The following MMP2 variants were observed in gnomAD, a reference collection of about 807,000 sequenced individuals.
MMP2 encodes the protein 72 kDa type IV collagenase.
A neutral mutation model predicts 74.8 loss-of-function variants in MMP2; 39 were observed. The observed-to-expected ratio is 0.52, with a 90% confidence interval of 0.40 to 0.68. The LOEUF is 0.68. MMP2 is among the 30% of genes least tolerant of loss of function. The pLI is 0.00. For synonymous variants in MMP2, 367 were observed against 339.8 expected, an observed-to-expected ratio of 1.08 and a Z score of -0.88; for missense variants, 803 against 878.3, an observed-to-expected ratio of 0.91 and a Z score of 1.08.
rs541869172 is a variant in MMP2 at position 55,497,220 on chromosome 16, T to C, written c.1609+158T>C. Among the ~76,000 whole-genome samples the C allele has an allele frequency of 1.4e-4, 21 of 152,346 alleles. No individual in the cohort carries two copies. In the East Asian group the frequency reaches 3.3e-3, roughly 24 times the overall value. ...GATTCATTCTTTCAACATTATTTCC[T>C]GAAGTGCGCAGCTCCTCTGGGAGAT... On this transcript the variant is annotated intron_variant, in intron 10 of 12. Transcript: ENST00000219070.
At chr16:55,493,102 C>T (rs1962451666) in intron 8 of MMP2, 56 bp from the exon 9 acceptor site, 2 of 1,608,946 alleles carry the variant, frequency 1.2e-6, no homozygotes, top group Non-Finnish European at 1.7e-6. Flanking sequence ...GGGGCTCACC[C>T]TAGTGGGGAG....
chr16:55,483,091 C>A lies in MMP2; in HGVS notation c.336C>A (p.Phe112Leu), dbSNP rs368829695. The A allele has an allele frequency of 3.1e-6, 5 of 1,614,004 alleles. No homozygotes were observed. In the African/African-American group the frequency reaches 4.0e-5, roughly 13 times the overall value. Residue 112 changes from phenylalanine to leucine, a missense_variant, in exon 2 of 13, where the codon TTC becomes TTA. Physicochemically the swap from Phe to Leu is conservative, Grantham distance 22 (BLOSUM62 0). Transcript: ENST00000219070. The stretch of plus-strand genomic sequence containing the variant: ...ACCCAGATGTGGCCAACTACAACTT[C>A]TTCCCTCGCAAGCCCAAGTGGGACA... ...CGNPDVANYNFFPRKPKWDKN... is the reference protein window; with the variant it reads ...CGNPDVANYNLFPRKPKWDKN...
At position 55,491,787 on chromosome 16, in the gene MMP2, C is replaced by G. The variant is rs1962410908; in HGVS notation, c.1181-14C>G. ...TCCTGTCTTTCAACCCTCTCTCCTC[C>G]CTGCAACCCTCAGGGTACAGCCTGT... is the stretch of plus-strand genomic sequence containing the variant. On this transcript the variant is annotated splice_polypyrimidine_tract_variant and intron_variant, in intron 7 of 12. Transcript: ENST00000219070. 3 of 1,614,184 alleles carry G rather than the reference C, an allele frequency of 1.9e-6. No homozygotes were observed. Among genetic ancestry groups the G allele is most frequent in the East Asian group, 4.5e-5 (2 of 44,854 alleles).
intron 8 of MMP2, 21 bp downstream of exon 8, chr16:55,491,977 T>TGGGGGGGGGTG: frequency 3.1e-6 from 3 of 969,376 alleles, no homozygotes; most frequent in Admixed American, 2.4e-5. Flanking sequence ...GGGCGGGGGT[T>TGGGGGGGGGTG]GGGGGTGGAG....
chr16:55,484,541 G>C (rs893987273), intron 3 of MMP2, among the ~76,000 whole-genome samples: 15 of 152,242 alleles, frequency 9.9e-5, no homozygotes, highest in African/African-American at 3.6e-4. Flanking sequence ...AAAAGACACA[G>C]GAGGCTAGTG....
At chr16:55,502,278 C>T (rs1223027122) in intron 11 of MMP2, among the ~76,000 whole-genome samples, 1 of 152,142 alleles carries the variant, frequency 6.6e-6, no homozygotes, top group African/African-American at 2.4e-5. Flanking sequence ...ATTCCCATCC[C>T]TGGGCTTCTA....
At position 55,506,664 on chromosome 16, in the gene MMP2, T is replaced by A. The variant is rs1341788648; in HGVS notation, c.*1222T>A. On this transcript the variant is annotated 3_prime_UTR_variant, in exon 13 of 13. Coordinates refer to ENST00000219070, the MANE Select transcript of MMP2 (RefSeq NM_004530.6). ...CAACCACATAAATAAAAAAGGCCAT[T>A]ATTAGTTGAATCTTATTGATGAAGA... The A allele has an allele frequency of 1.3e-5, 2 of 152,136 alleles. No homozygotes were observed. The highest frequency in any genetic ancestry group is 6.5e-5 in the Admixed American group (1 of 15,274). The allele number at this position is 152,136 out of a possible 1,614,324, so 9.4% of individuals were successfully genotyped here. A position where few individuals can be genotyped will look rare whatever the true frequency, so the allele number is the denominator to read the frequency against.
At chr16:55,484,241 G>A in intron 3 of MMP2, 77 bp downstream of exon 3, 1 of 1,533,190 alleles carries the variant, frequency 6.5e-7, no homozygotes. Context: ...ACATTAGAGG[G>A]GCGTGGGGAT....
intron 10 of MMP2, among the ~76,000 whole-genome samples, chr16:55,497,763 T>C (rs1962565683): frequency 6.6e-6 from 1 of 152,188 alleles, no homozygotes; most frequent in African/African-American, 2.4e-5. Context: ...GGATACAAGC[T>C]CTGCCTTCGC....
At chr16:55,504,790 C>T (rs1329856731) in intron 12 of MMP2, among the ~76,000 whole-genome samples, 1 of 151,650 alleles carries the variant, frequency 6.6e-6, no homozygotes, top group Non-Finnish European at 1.5e-5. Flanking sequence ...GTAGCTGGGA[C>T]TACAGGCGCC....
intron 9 of MMP2, among the ~76,000 whole-genome samples, chr16:55,494,706 G>T (rs1480331823): frequency 6.6e-6 from 1 of 152,240 alleles, no homozygotes; most frequent in Non-Finnish European, 1.5e-5. Flanking sequence ...GCACATTAAA[G>T]TTTGTGCATC....
At chr16:55,498,021 C>G (rs1451619444) in intron 10 of MMP2, among the ~76,000 whole-genome samples, 2 of 152,198 alleles carry the variant, frequency 1.3e-5, no homozygotes, top group African/African-American at 4.8e-5. Context: ...TTTATGACAG[C>G]AAGGCCCTTA....
At chr16:55,485,032 C>T (rs1225568459) in intron 3 of MMP2, among the ~76,000 whole-genome samples, 2 of 151,970 alleles carry the variant, frequency 1.3e-5, no homozygotes, top group Non-Finnish European at 2.9e-5. Context: ...CATATAGTGT[C>T]ATGGTGGTAG....
At chr16:55,500,494 T>TACACACACACACACACACACACACCC (rs1962640671) in intron 11 of MMP2, among the ~76,000 whole-genome samples, 1 of 136,194 alleles carries the variant, frequency 7.3e-6, no homozygotes, top group East Asian at 2.4e-4. Flanking sequence ...CATGTGCGCA[T>TACACACACACACACACACACACACCC]ACACACACAC....
At chr16:55,503,236 C>T (rs1323619062) in intron 12 of MMP2, among the ~76,000 whole-genome samples, 1 of 152,158 alleles carries the variant, frequency 6.6e-6, no homozygotes, top group East Asian at 1.9e-4. Context: ...TTGCAGGAGG[C>T]CTGTGACCAC....
chr16:55,495,499 G>A (rs243839), intron 9 of MMP2, among the ~76,000 whole-genome samples: 107,267 of 152,176 alleles, frequency 0.7, 39,619 homozygotes, highest in Non-Finnish European at 0.82. Flanking sequence ...GTATTGCAGG[G>A]TGATTAAACT....
chr16:55,488,926 T>C (rs1403156695), intron 6 of MMP2: 7 of 626,438 alleles, frequency 1.1e-5, no homozygotes, highest in South Asian at 1.9e-5. Flanking sequence ...GAACAGACAT[T>C]GGGCATCAAC....
At chr16:55,498,595 G>A in intron 11 of MMP2, 147 bp downstream of exon 11, 1 of 1,006,946 alleles carries the variant, frequency 9.9e-7, no homozygotes, top group Non-Finnish European at 1.5e-6. Flanking sequence ...TTTGGTCTCT[G>A]GCACCTCTGA....
chr16:55,491,894 ACAC>A lies in MMP2; in HGVS notation c.1276_1278del (p.Thr426del). 1 of 1,613,382 alleles carries A rather than the reference ACAC, an allele frequency of 6.2e-7. No individual in the cohort carries two copies. Among genetic ancestry groups the A allele is most frequent in the Middle Eastern group, 1.7e-4 (1 of 6,060 alleles). On this transcript the variant is annotated inframe_deletion, in exon 8 of 13. Coordinates refer to ENST00000219070, the MANE Select transcript of MMP2 (RefSeq NM_004530.6). ...CCTGGGGCCCTGATGGCACCCATTT[ACAC>A]CTACACCAAGAACTTCCGTCTGTCC...
Sources: allele counts gnomAD v4.1 joint callset (sites outside exome capture counted in the v4.1 genomes callset), GRCh38; gene constraint gnomAD v4.1.1; transcripts MANE v1.5; gene names NCBI Gene and HGNC (gene_info 2026-07-23, HGNC 2026-07-21).